The following ZAP70 variants were observed in gnomAD, a reference collection of about 807,000 sequenced individuals.
ZAP70 encodes the protein zeta chain of T cell receptor associated protein kinase 70.
Under a neutral mutation model 65.8 loss-of-function variants are expected in ZAP70, and 27 were observed. The ratio of observed to expected loss-of-function variants is 0.41; its 90% CI spans 0.30 to 0.57. ZAP70 has a LOEUF of 0.57. ZAP70 is among the 20% of genes least tolerant of loss of function. ZAP70 has a pLI of 0.28. For missense variants in ZAP70, 696 were observed against 870.5 expected (o/e 0.80, Z 2.52); for synonymous variants, 363 against 360.8 (o/e 1.01, Z -0.07).
rs1678060334 is a variant in ZAP70, at chr2:97,739,550, C to T, written c.*52C>T. ...ACGCCGGCTCTTCCCCACCCTCAGC[C>T]CCACCCCAGGTCCTGCAGTCTGGCT... is the stretch of plus-strand genomic sequence containing the variant. On this transcript the variant is annotated 3_prime_UTR_variant, in exon 14 of 14. Coordinates refer to ENST00000264972, the MANE Select transcript of ZAP70 (RefSeq NM_001079.4). The T allele has an allele frequency of 6.3e-7, 1 of 1,590,820 alleles. No individual in the cohort carries two copies. Among genetic ancestry groups the T allele is most frequent in the East Asian group, 2.3e-5 (1 of 43,708 alleles).
At chr2:97,752,826 T>C in the ZAP70 span, among the ~76,000 whole-genome samples, 1 of 152,210 alleles carries the variant, frequency 6.6e-6, no homozygotes, top group South Asian at 2.1e-4. Context: ...TGGGAGCAAA[T>C]GTTTTAGTCA....
the ZAP70 span, among the ~76,000 whole-genome samples, chr2:97,745,049 G>GT: frequency 2.0e-5 from 3 of 152,158 alleles, no homozygotes; most frequent in Non-Finnish European, 4.4e-5. Context: ...TTGTTTTATT[G>GT]TTTTTTTGAG....
In ZAP70 at chr2:97,730,001, C is replaced by T. The variant is rs199944293; in HGVS notation, c.564-2882C>T. ...CAGCACTTTGGGAAGCTGAGGCAGG[C>T]GGATCGTCTAATGTCGGGAGTTTGA... On this transcript the variant is annotated intron_variant, in intron 4 of 13. Coordinates refer to ENST00000264972, the MANE Select transcript of ZAP70 (RefSeq NM_001079.4). Among the ~76,000 whole-genome samples the T allele has an allele frequency of 1.1e-4, 16 of 152,054 alleles. No homozygotes were observed. In the East Asian group the frequency reaches 2.3e-3, roughly 22 times the overall value.
chr2:97,735,218 G>A (rs2104696148), intron 9 of ZAP70, 32 bp from the exon 10 acceptor site: 1 of 1,612,726 alleles, frequency 6.2e-7, no homozygotes, highest in Non-Finnish European at 8.5e-7. Context: ...GGTGCCCCTC[G>A]CCCACGTGCC....
rs993494098 is a variant in ZAP70, at chr2:97,733,633, T to C, written c.889+38T>C. On this transcript the variant is annotated intron_variant, in intron 8 of 13. Coordinates refer to ENST00000264972, the MANE Select transcript of ZAP70 (RefSeq NM_001079.4). The stretch of plus-strand genomic sequence containing the variant: ...AGGTGGGGACGCGGGTTGGGGCTCA[T>C]GCTGAGCCGAGATCAGGGTCGCTGT... The C allele has an allele frequency of 4.3e-6, 7 of 1,610,884 alleles. No individual in the cohort carries two copies. The African/African-American group carries it at 9.4e-5, about 22-fold the overall frequency.
chr2:97,717,411 T>G (rs553942793), intron 2 of ZAP70, among the ~76,000 whole-genome samples: 9 of 135,430 alleles, frequency 6.6e-5, no homozygotes, highest in African/African-American at 2.7e-4. Flanking sequence ...GCGGAGCCTC[T>G]GAGCCTCTGG....
At position 97,714,698 on chromosome 2, in the gene ZAP70, C is replaced by T. The variant is rs540362355; in HGVS notation, c.-22+704C>T. ...GCAGCTCGAGATGATTCATTACTCT[C>T]GTCTTGGTTGGAACAGTAGGCAGAC... On this transcript the variant is annotated intron_variant, in intron 2 of 13. Coordinates refer to ENST00000264972, the MANE Select transcript of ZAP70 (RefSeq NM_001079.4). Among the ~76,000 whole-genome samples, 14 of 152,328 alleles carry T rather than the reference C, an allele frequency of 9.2e-5. No homozygotes were observed. In the South Asian group the frequency reaches 2.7e-3, roughly 29 times the overall value.
At chr2:97,754,268 C>T in the ZAP70 span, among the ~76,000 whole-genome samples, 2 of 152,108 alleles carry the variant, frequency 1.3e-5, no homozygotes, top group Non-Finnish European at 2.9e-5. Context: ...GCTGGCGAGG[C>T]TCATGGGGTG....
rs542210531 is a variant in ZAP70 at position 97,715,737 on chromosome 2, C to T, written c.-22+1743C>T. Among the ~76,000 whole-genome samples the T allele has an allele frequency of 8.5e-5, 13 of 152,292 alleles. No homozygotes were observed. The highest frequency in any genetic ancestry group is 1.6e-4 in the Non-Finnish European group (11 of 68,020). ...GTTCTGAGAGTGACATTGACCTCTC[C>T]GAGCCTCAGTTTCTTTAGCTGAGGA... On this transcript the variant is annotated intron_variant, in intron 2 of 13. Transcript: ENST00000264972. This position sits in a 1 kb window ranked among gnomAD's most constrained non-coding sequence, Gnocchi z 4.1.
At position 97,737,560 on chromosome 2, in the gene ZAP70, C is replaced by T; in HGVS notation, c.1377C>T (p.His459=). The change falls in exon 11 of 14, where the codon CAC becomes CAT. Residue 459 remains histidine (H), a synonymous_variant. Coordinates refer to ENST00000264972, the MANE Select transcript of ZAP70 (RefSeq NM_001079.4). The surrounding 1 kb of genome is among the most constrained non-coding windows in gnomAD (Gnocchi z 5.0). ...ACCTGGAGGAGAAGAACTTTGTGCA[C>T]CGTGACCTGGCGGCCCGCAACGTCC... The part of the protein sequence containing the change: ...MKYLEEKNFV[H]RDLAARNVLL... The T allele has an allele frequency of 1.2e-6, 2 of 1,614,176 alleles. No homozygotes were observed. The highest frequency in any genetic ancestry group is 2.2e-5 in the East Asian group (1 of 44,892).
chr2:97,745,834 G>A, the ZAP70 span, among the ~76,000 whole-genome samples: 2 of 152,220 alleles, frequency 1.3e-5, no homozygotes, highest in African/African-American at 4.8e-5. Flanking sequence ...TTGAAAACAA[G>A]GTCTCAGATA....
At chr2:97,746,785 A>T in the ZAP70 span, among the ~76,000 whole-genome samples, 1 of 152,254 alleles carries the variant, frequency 6.6e-6, no homozygotes, top group Non-Finnish European at 1.5e-5. Flanking sequence ...GAAATTGAAA[A>T]GAGAACTCAC....
At chr2:97,719,308 G>A (rs1319844668) in intron 2 of ZAP70, among the ~76,000 whole-genome samples, 2 of 144,720 alleles carry the variant, frequency 1.4e-5, no homozygotes, top group African/African-American at 5.0e-5. Context: ...GTGGCAGCAT[G>A]TACAGCTACT....
chr2:97,732,973 G>A lies in ZAP70; in HGVS notation c.654G>A (p.Ala218=), dbSNP rs202191985. 2.5e-6 allele frequency: 4 copies of A among 1,613,976 alleles called. No individual in the cohort carries two copies. The highest frequency in any genetic ancestry group is 2.7e-5 in the African/African-American group (2 of 74,928). The change falls in exon 5 of 14, where the codon GCG becomes GCA. Residue 218 remains alanine (A), a synonymous_variant. Transcript: ENST00000264972. ...VYHYLISQDK[A]GKYCIPEGTK... ...ACTACCTCATCAGCCAAGACAAGGC[G>A]GGCAAGTACTGCATTCCCGAGGGCA... is the stretch of plus-strand genomic sequence containing the variant.
chr2:97,737,741 A>G lies in ZAP70; in HGVS notation c.1483-16A>G. On this transcript the variant is annotated splice_polypyrimidine_tract_variant and intron_variant, in intron 11 of 13. Transcript: ENST00000264972. The surrounding 1 kb of genome is among the most constrained non-coding windows in gnomAD (Gnocchi z 5.0). Reference sequence around the variant, plus strand: ...GGTCCCTGACCCCTGATCCAGCAGCATCTCCCCCTCCCCAGGCCCGCTCAG... The same window carrying G: ...GGTCCCTGACCCCTGATCCAGCAGCGTCTCCCCCTCCCCAGGCCCGCTCAG... 6.2e-7 allele frequency: 1 copy of G among 1,614,056 alleles called. No homozygotes were observed.
chr2:97,753,203 A>G, the ZAP70 span, among the ~76,000 whole-genome samples: 1 of 152,174 alleles, frequency 6.6e-6, no homozygotes, highest in Non-Finnish European at 1.5e-5. Flanking sequence ...TGTTTTGTAA[A>G]ATGTTATAAA....
At position 97,724,368 on chromosome 2, in the gene ZAP70, A is replaced by T; in HGVS notation, c.332A>T (p.Gln111Leu). ...AACCGGCCGTCGGGCCTCGAGCCGC[A>T]GCCGGGGGTCTTCGACTGCCTGCGA... ...PCNRPSGLEP[Q>L]PGVFDCLRDA... is the part of the protein sequence containing the mutation. The change falls in exon 3 of 14, where the codon CAG (glutamine) becomes CTG (leucine). Residue 111 changes from glutamine to leucine, a missense_variant. Coordinates refer to ENST00000264972, the MANE Select transcript of ZAP70 (RefSeq NM_001079.4). 1 of 1,546,074 alleles carries T rather than the reference A, an allele frequency of 6.5e-7. No individual in the cohort carries two copies. Among genetic ancestry groups the T allele is most frequent in the Non-Finnish European group, 8.7e-7 (1 of 1,145,868 alleles).
the ZAP70 span, among the ~76,000 whole-genome samples, chr2:97,744,888 TA>T: frequency 6.6e-6 from 1 of 152,206 alleles, no homozygotes; most frequent in Admixed American, 6.5e-5. Context: ...GCCCAAACTG[TA>T]AAACTCTTAA....
the ZAP70 span, among the ~76,000 whole-genome samples, chr2:97,749,284 C>T: frequency 1.3e-5 from 2 of 152,220 alleles, no homozygotes; most frequent in East Asian, 1.9e-4. Flanking sequence ...GCTAGGATTG[C>T]AGGCATGAGG....
Sources: allele counts gnomAD v4.1 joint callset (sites outside exome capture counted in the v4.1 genomes callset), GRCh38; gene constraint gnomAD v4.1.1; non-coding constraint Gnocchi (gnomAD v3.1); transcripts MANE v1.5; gene names NCBI Gene and HGNC (gene_info 2026-07-23, HGNC 2026-07-21).